STXBP6: variants seen among roughly 807,000 people sequenced by gnomAD.
STXBP6 encodes the protein syntaxin binding protein 6.
A neutral mutation model predicts 26.9 loss-of-function variants in STXBP6; 21 were observed. The ratio of observed to expected loss-of-function variants is 0.78; its 90% confidence interval spans 0.55 to 1.12. The LOEUF is 1.12. Among genes scored for constraint, STXBP6 ranks in the 50% most tolerant of loss-of-function variants. The pLI is 0.00. For missense variants in STXBP6, 232 were observed against 257.9 expected (o/e 0.90, Z 0.69); for synonymous variants, 97 against 92.6 (o/e 1.05, Z -0.27).
chr14:24,987,933 A>G, intron 1 of STXBP6: 2 of 968,418 alleles, frequency 2.1e-6, no homozygotes, highest in Non-Finnish European at 2.4e-6. Flanking sequence ...ACTGAGGAGA[A>G]GAAGAGCAAC....
intron 5 of STXBP6, chr14:24,817,610 CTGT>C (rs1566374637): frequency 1.2e-5 from 2 of 164,606 alleles, no homozygotes; most frequent in East Asian, 3.3e-4. Context: ...ACGGAAGCTG[CTGT>C]TGTTGTTAAA....
intron 2 of STXBP6, among the ~76,000 whole-genome samples, chr14:24,880,803 A>G (rs1245821575): frequency 6.6e-6 from 1 of 152,202 alleles, no homozygotes; most frequent in Non-Finnish European, 1.5e-5. Flanking sequence ...GGTACTAAAA[A>G]GGAAAGAAAG....
At chr14:24,824,427 A>C (rs989866864) in intron 4 of STXBP6, among the ~76,000 whole-genome samples, 4 of 152,204 alleles carry the variant, frequency 2.6e-5, no homozygotes, top group Admixed American at 6.6e-5. Flanking sequence ...AATCATGACG[A>C]TATTAGCTTT....
intron 1 of STXBP6, among the ~76,000 whole-genome samples, chr14:24,978,378 A>C (rs2140224899): frequency 6.6e-6 from 1 of 152,366 alleles, no homozygotes; most frequent in South Asian, 2.1e-4. Context: ...GGGAATGGAA[A>C]GGATGAATCA....
chr14:24,880,857 C>G (rs562358948), intron 2 of STXBP6, among the ~76,000 whole-genome samples: 1 of 152,170 alleles, frequency 6.6e-6, no homozygotes, highest in African/African-American at 2.4e-5. Flanking sequence ...GTTAGCAGAA[C>G]AGCACTGTGG....
chr14:24,827,958 GTGAATAAAAAGC>G (rs1361991091), intron 4 of STXBP6, among the ~76,000 whole-genome samples: 2 of 151,654 alleles, frequency 1.3e-5, no homozygotes, highest in African/African-American at 4.8e-5. Flanking sequence ...AAAAATCCAT[GTGAATAAAAAGC>G]TTAACAAAGA....
intron 2 of STXBP6, among the ~76,000 whole-genome samples, chr14:24,911,998 T>C (rs2071592609): frequency 6.6e-6 from 1 of 152,210 alleles, no homozygotes; most frequent in South Asian, 2.1e-4. Context: ...TGTGGTATTT[T>C]GAGTCTTTTC....
chr14:24,984,744 T>G (rs2074289966), intron 1 of STXBP6, among the ~76,000 whole-genome samples: 2 of 152,194 alleles, frequency 1.3e-5, no homozygotes, highest in South Asian at 4.1e-4. Context: ...ATATGTGACT[T>G]TGGTATTCAA....
chr14:24,913,295 T>A (rs2071642189), intron 2 of STXBP6, among the ~76,000 whole-genome samples: 1 of 152,304 alleles, frequency 6.6e-6, no homozygotes, highest in Admixed American at 6.5e-5. Flanking sequence ...CTGCTATAGT[T>A]AACAGGAATG....
At chr14:24,846,197 C>T (rs1338184404) in intron 4 of STXBP6, among the ~76,000 whole-genome samples, 1 of 152,136 alleles carries the variant, frequency 6.6e-6, no homozygotes, top group Admixed American at 6.5e-5. Context: ...ATCTTTCCCG[C>T]AAAATTAACC....
intron 2 of STXBP6, among the ~76,000 whole-genome samples, chr14:24,914,476 CT>C (rs1164649096): frequency 1.3e-5 from 2 of 152,118 alleles, no homozygotes; most frequent in Non-Finnish European, 2.9e-5. Flanking sequence ...GACGAAAAAT[CT>C]ATAAACTTGT....
chr14:24,869,522 A>G (rs542575039), intron 2 of STXBP6, among the ~76,000 whole-genome samples: 78 of 152,330 alleles, frequency 5.1e-4, no homozygotes, highest in African/African-American at 1.8e-3. Context: ...GAAGATTCAG[A>G]ACAAAAGAAA....
At chr14:24,899,591 G>T (rs1379330641) in intron 2 of STXBP6, among the ~76,000 whole-genome samples, 1 of 151,690 alleles carries the variant, frequency 6.6e-6, no homozygotes, top group South Asian at 2.1e-4. Context: ...GACCAGCCTG[G>T]CCAACATGAC....
At chr14:25,016,000 CTG>C (rs1327033742) in intron 1 of STXBP6, among the ~76,000 whole-genome samples, 2 of 152,172 alleles carry the variant, frequency 1.3e-5, no homozygotes, top group African/African-American at 4.8e-5. Flanking sequence ...CTTGGAGACA[CTG>C]TGCAGCTTCT....
chr14:25,032,564 G>A (rs904479287), intron 1 of STXBP6, among the ~76,000 whole-genome samples: 95 of 152,298 alleles, frequency 6.2e-4, no homozygotes, highest in African/African-American at 2.1e-3. Context: ...CACTCAACCC[G>A]TCCGGGGAAG....
At chr14:24,823,587 G>T (rs543580227) in intron 4 of STXBP6, among the ~76,000 whole-genome samples, 39 of 152,200 alleles carry the variant, frequency 2.6e-4, no homozygotes, top group African/African-American at 9.4e-4. Context: ...AAGGCAGCAA[G>T]AAAATAATCT....
At chr14:25,037,722 T>G (rs2075578568) in intron 1 of STXBP6, among the ~76,000 whole-genome samples, 1 of 152,230 alleles carries the variant, frequency 6.6e-6, no homozygotes, top group Non-Finnish European at 1.5e-5. Flanking sequence ...AGTATGTATG[T>G]TTAGAGCAAT....
At chr14:24,899,280 C>A (rs1595070716) in intron 2 of STXBP6, among the ~76,000 whole-genome samples, 2 of 152,050 alleles carry the variant, frequency 1.3e-5, no homozygotes, top group South Asian at 4.2e-4. Context: ...CCCTTTATTC[C>A]AGTAAGAATG....
At chr14:25,029,359 C>A (rs2075408268) in intron 1 of STXBP6, among the ~76,000 whole-genome samples, 1 of 152,144 alleles carries the variant, frequency 6.6e-6, no homozygotes, top group Admixed American at 6.5e-5. Flanking sequence ...AGACCCTCGA[C>A]CAGCAAAAGG....
Sources: allele counts gnomAD v4.1 joint callset (sites outside exome capture counted in the v4.1 genomes callset), GRCh38; gene constraint gnomAD v4.1.1; transcripts MANE v1.5; gene names NCBI Gene and HGNC (gene_info 2026-07-23, HGNC 2026-07-21).